Variants in PPP2R5C observed in about 807,000 individuals in gnomAD.
PPP2R5C encodes serine/threonine-protein phosphatase 2A 56 kDa regulatory subunit gamma isoform.
Under a neutral mutation model 68.9 loss-of-function variants are expected in PPP2R5C, and 7 were observed. The ratio of observed to expected loss-of-function variants is 0.10; its 90% CI spans 0.06 to 0.19. The LOEUF is 0.19. Among genes scored for constraint, PPP2R5C ranks in the 10% least tolerant of loss-of-function variants. The pLI, the probability that PPP2R5C is intolerant of heterozygous loss-of-function variation, is 1.00. For missense variants in PPP2R5C, 348 were observed against 641.3 expected (o/e 0.54, Z 4.94); for synonymous variants, 210 against 222.2 (o/e 0.95, Z 0.49).
intron 1 of PPP2R5C, 98 bp downstream of exon 1, chr14:101,762,018 TTCCCCGCCTGACGCCGCGGGCTTCGC>T (rs1466952839): frequency 6.4e-6 from 7 of 1,089,186 alleles, no homozygotes; most frequent in Middle Eastern, 4.1e-4. Context: ...CCCGGCTCAG[TTCCCCGCCTGACGCCGCGGGCTTCGC>T]GTCCCCGAGG....
At chr14:101,779,860 G>A (rs2037591336) in intron 2 of PPP2R5C, among the ~76,000 whole-genome samples, 2 of 152,194 alleles carry the variant, frequency 1.3e-5, no homozygotes. Flanking sequence ...AAAGATGAGG[G>A]AAGGTGTTCT....
At chr14:101,924,875 C>A (rs58553858) in intron 13 of PPP2R5C, among the ~76,000 whole-genome samples, 29,731 of 152,086 alleles carry the variant, frequency 0.2, 4,699 homozygotes, top group African/African-American at 0.43. Context: ...GTACTGAGTC[C>A]TTTGTACAAG....
chr14:101,812,510 A>G (rs1010412635), intron 1 of PPP2R5C, among the ~76,000 whole-genome samples: 2 of 152,244 alleles, frequency 1.3e-5, no homozygotes, highest in African/African-American at 2.4e-5. Context: ...TGGTGGAGCC[A>G]GAATCCAAAC....
At chr14:101,788,069 A>G (rs531699508) in intron 3 of PPP2R5C, among the ~76,000 whole-genome samples, 1 of 152,182 alleles carries the variant, frequency 6.6e-6, no homozygotes, top group East Asian at 1.9e-4. Context: ...ATAGGTATCA[A>G]CTCCTCCTTC....
At chr14:101,819,723 C>A (rs1021016855) in intron 1 of PPP2R5C, 2 of 152,436 alleles carry the variant, frequency 1.3e-5, no homozygotes, top group African/African-American at 4.8e-5. Context: ...TCGAGCATTC[C>A]GCCCACCGCA....
chr14:101,819,101 G>A (rs1323083181), intron 1 of PPP2R5C: 1 of 1,513,386 alleles, frequency 6.6e-7, no homozygotes, highest in South Asian at 1.2e-5. Flanking sequence ...TGGTGAGGGT[G>A]TCTGTATATG....
At chr14:101,768,668 T>G (rs2139954423) in intron 2 of PPP2R5C, among the ~76,000 whole-genome samples, 1 of 152,290 alleles carries the variant, frequency 6.6e-6, no homozygotes, top group Non-Finnish European at 1.5e-5. Flanking sequence ...ATAATGACGC[T>G]TTAAAGGGCA....
At chr14:101,829,059 C>T (rs1016199064) in intron 1 of PPP2R5C, among the ~76,000 whole-genome samples, 16 of 152,110 alleles carry the variant, frequency 1.1e-4, no homozygotes, top group Non-Finnish European at 1.9e-4. Context: ...TGAAAATATC[C>T]TCAGGATAAA....
At chr14:101,884,658 G>C (rs941998809) in intron 5 of PPP2R5C, among the ~76,000 whole-genome samples, 7 of 152,220 alleles carry the variant, frequency 4.6e-5, no homozygotes, top group Non-Finnish European at 1.0e-4. Flanking sequence ...TCCCCAGCCA[G>C]CCTCTGCTCA....
exon 2 of PPP2R5C, chr14:101,856,800 G>A (rs2042448049): frequency 4.3e-6 from 7 of 1,614,120 alleles, no homozygotes; most frequent in African/African-American, 1.3e-5. Flanking sequence ...GAAGTAAAAC[G>A]AGCTGCTTTA....
intron 3 of PPP2R5C, among the ~76,000 whole-genome samples, chr14:101,788,715 C>G (rs1289929113): frequency 6.6e-6 from 1 of 152,200 alleles, no homozygotes; most frequent in Non-Finnish European, 1.5e-5. Flanking sequence ...ATAATTCTCT[C>G]TTGGCTGTTC....
intron 1 of PPP2R5C, among the ~76,000 whole-genome samples, chr14:101,847,914 G>A (rs2041936864): frequency 6.6e-6 from 1 of 152,036 alleles, no homozygotes; most frequent in Admixed American, 6.6e-5. Context: ...GCCCTCCTCG[G>A]CCTTCCAAAG....
rs142106753 is a variant in PPP2R5C at position 101,856,883 on chromosome 14, A to G, written c.292A>G (p.Met98Val). The G allele has an allele frequency of 1.1e-5, 17 of 1,612,452 alleles. No individual in the cohort carries two copies. The Admixed American group carries it at 1.3e-4, about 13-fold the overall frequency. ...GCCTATTTACCCAGAAGTAGTCCAT[A>G]TGGTAAGTGATTACAGTTTAACCAG... Residue 98 changes from methionine to valine, a missense_variant and splice_region_variant, in exon 2 of 14, where the codon ATG becomes GTG. Coordinates refer to ENST00000334743, the Ensembl canonical transcript of PPP2R5C.
chr14:101,919,614 C>T (rs2046897129), intron 13 of PPP2R5C, among the ~76,000 whole-genome samples: 1 of 152,128 alleles, frequency 6.6e-6, no homozygotes, highest in Non-Finnish European at 1.5e-5. Context: ...GTGAGGGAAC[C>T]TGCCTGGGAG....
chr14:101,810,953 T>A (rs1177036431), intron 1 of PPP2R5C, among the ~76,000 whole-genome samples: 2 of 152,214 alleles, frequency 1.3e-5, no homozygotes, highest in Non-Finnish European at 2.9e-5. Context: ...CAGATCACTT[T>A]AGAATTTATA....
chr14:101,782,029 T>TTCCC (rs1486670834), intron 2 of PPP2R5C, among the ~76,000 whole-genome samples: 7 of 145,592 alleles, frequency 4.8e-5, no homozygotes, highest in Non-Finnish European at 7.6e-5. Flanking sequence ...GTGTGCCTCC[T>TTCCC]TCCCTCCCTC....
intron 10 of PPP2R5C, among the ~76,000 whole-genome samples, chr14:101,908,628 C>T (rs2046201886): frequency 6.6e-6 from 1 of 152,092 alleles, no homozygotes; most frequent in Admixed American, 6.5e-5. Context: ...CCCGCCTCAG[C>T]CTCCCACGGT....
chr14:101,761,689 C>T (rs1355048905), upstream of PPP2R5C: 4 of 197,572 alleles, frequency 2.0e-5, no homozygotes, highest in Non-Finnish European at 3.4e-5. Flanking sequence ...GCCGCCGCTG[C>T]CGCCGCCGCC....
intron 2 of PPP2R5C, among the ~76,000 whole-genome samples, chr14:101,876,850 A>G (rs942829396): frequency 6.6e-6 from 1 of 151,940 alleles, no homozygotes; most frequent in African/African-American, 2.4e-5. Flanking sequence ...CTGTTCGTGC[A>G]TAATGTTTTC....
Sources: gnomAD v4.1 joint callset for allele counts (sites outside exome capture counted in the v4.1 genomes callset) on GRCh38, gnomAD v4.1.1 for gene constraint, MANE v1.5 for transcripts, NCBI Gene and HGNC (gene_info 2026-07-23, HGNC 2026-07-21) for gene names.